Variants in UBE2L3 observed in about 807,000 individuals in gnomAD.
UBE2L3 encodes the protein ubiquitin conjugating enzyme E2 L3, also known as ubiquitin-conjugating enzyme E2 L3.
Under a neutral mutation model 17.8 loss-of-function variants are expected in UBE2L3, and 1 was observed. That is an observed-to-expected ratio of 0.06 (90% CI 0.02 to 0.27). The LOEUF (loss-of-function observed/expected upper bound fraction) is 0.27. UBE2L3 is among the 10% of genes least tolerant of loss of function. The pLI, the probability that UBE2L3 is intolerant of heterozygous loss-of-function variation, is 1.00. For missense variants in UBE2L3, 40 were observed against 192.6 expected (o/e 0.21, Z 4.69); for synonymous variants, 44 against 68.5 (o/e 0.64, Z 1.76).
chr22:21,613,654 A>T (rs937782025), intron 3 of UBE2L3, among the ~76,000 whole-genome samples: 1 of 152,206 alleles, frequency 6.6e-6, no homozygotes, highest in Non-Finnish European at 1.5e-5. Context: ...GGCTTAAAGT[A>T]ATACCAGTTT....
intron 2 of UBE2L3, among the ~76,000 whole-genome samples, chr22:21,599,895 C>T (rs944645824): frequency 6.6e-6 from 1 of 151,896 alleles, no homozygotes; most frequent in Non-Finnish European, 1.5e-5. Context: ...CTATTTGAGC[C>T]CAAAAGGAAG....
intron 3 of UBE2L3, among the ~76,000 whole-genome samples, chr22:21,620,765 A>G (rs547806380): frequency 9.2e-5 from 14 of 152,238 alleles, no homozygotes; most frequent in African/African-American, 3.4e-4. Context: ...AGAAACTCCT[A>G]AGGGTCTTCC....
intron 1 of UBE2L3, among the ~76,000 whole-genome samples, chr22:21,579,522 G>A (rs1210846587): frequency 6.6e-6 from 1 of 152,146 alleles, no homozygotes; most frequent in Non-Finnish European, 1.5e-5. Flanking sequence ...TATAATCCCA[G>A]CACTTAGGAA....
At chr22:21,581,912 G>C (rs1262650936) in intron 1 of UBE2L3, among the ~76,000 whole-genome samples, 1 of 150,766 alleles carries the variant, frequency 6.6e-6, no homozygotes, top group Non-Finnish European at 1.5e-5. Context: ...AGGAGTTCCA[G>C]ACCAGCCTGG....
At chr22:21,565,570 T>C (rs1013045493), upstream of UBE2L3, among the ~76,000 whole-genome samples, 1 of 150,276 alleles carries the variant, frequency 6.7e-6, no homozygotes. Flanking sequence ...TGGCCAAAAA[T>C]GCTAAAACCC....
chr22:21,566,932 G>T (rs1188213401), upstream of UBE2L3, among the ~76,000 whole-genome samples: 1 of 152,168 alleles, frequency 6.6e-6, no homozygotes, highest in Non-Finnish European at 1.5e-5. Context: ...CAAGTCACTG[G>T]CTTCTTCTGT....
chr22:21,575,509 A>C (rs1371263056), intron 1 of UBE2L3, among the ~76,000 whole-genome samples: 1 of 148,634 alleles, frequency 6.7e-6, no homozygotes, highest in Admixed American at 6.7e-5. Flanking sequence ...GAATCGCTTG[A>C]ATCCGGGAGG....
At chr22:21,580,185 G>A (rs1460633505) in intron 1 of UBE2L3, among the ~76,000 whole-genome samples, 1 of 152,202 alleles carries the variant, frequency 6.6e-6, no homozygotes. Flanking sequence ...TTGGGTGGCT[G>A]AGATAGTCAA....
rs1222137069 is a variant in UBE2L3, at chr22:21,598,445, T to A, written c.123+5489T>A. Among the ~76,000 whole-genome samples, 8 of 152,098 alleles carry A rather than the reference T, an allele frequency of 5.3e-5. No homozygotes were observed. The East Asian group carries it at 1.5e-3, about 29-fold the overall frequency. ...CCCTTGTGATTTCTTCTTTGACCCA[T>A]TGCTTGTTAGAGAGTACGTTTAATT... is the stretch of plus-strand genomic sequence containing the variant. On this transcript the variant is annotated intron_variant, in intron 2 of 3. Coordinates refer to ENST00000342192, the MANE Select transcript of UBE2L3 (RefSeq NM_003347.4).
intron 2 of UBE2L3, among the ~76,000 whole-genome samples, chr22:21,600,670 T>C (rs1255767707): frequency 6.6e-6 from 1 of 152,142 alleles, no homozygotes; most frequent in Non-Finnish European, 1.5e-5. Flanking sequence ...CACTCCAGCC[T>C]GGGCGACAGA....
At chr22:21,616,388 C>T (rs1222462437) in intron 3 of UBE2L3, among the ~76,000 whole-genome samples, 1 of 152,036 alleles carries the variant, frequency 6.6e-6, no homozygotes, top group Non-Finnish European at 1.5e-5. Flanking sequence ...TGGTGGGTCA[C>T]GCCTGTAATC....
At chr22:21,582,258 T>A (rs1221204668) in intron 1 of UBE2L3, among the ~76,000 whole-genome samples, 1 of 151,966 alleles carries the variant, frequency 6.6e-6, no homozygotes, top group Non-Finnish European at 1.5e-5. Context: ...TTTAGGAGCT[T>A]GTTTCTAGCT....
At chr22:21,561,477 G>A (rs1431709142) in intron 1 of UBE2L3, among the ~76,000 whole-genome samples, 1 of 152,292 alleles carries the variant, frequency 6.6e-6, no homozygotes, top group Admixed American at 6.5e-5. Flanking sequence ...AGCTGCTTGA[G>A]AGTCTGAAGT....
At chr22:21,576,685 C>T (rs942080682) in intron 1 of UBE2L3, among the ~76,000 whole-genome samples, 2 of 152,156 alleles carry the variant, frequency 1.3e-5, no homozygotes, top group African/African-American at 2.4e-5. Flanking sequence ...CCGCCCACCT[C>T]GGCCTCCCAA....
intron 2 of UBE2L3, among the ~76,000 whole-genome samples, chr22:21,610,506 T>C (rs1438862696): frequency 6.6e-6 from 1 of 152,192 alleles, no homozygotes; most frequent in South Asian, 2.1e-4. Context: ...TGAGGGATGC[T>C]GATAGTGGGA....
intron 1 of UBE2L3, among the ~76,000 whole-genome samples, chr22:21,569,847 G>A (rs1273460294): frequency 6.6e-6 from 1 of 152,214 alleles, no homozygotes; most frequent in Non-Finnish European, 1.5e-5. Context: ...CTTGCCCAGG[G>A]TTACCTAGCT....
rs528952638 is a variant in UBE2L3, at chr22:21,607,693, C to A, written c.124-3164C>A. 5.9e-5 allele frequency among the ~76,000 whole-genome samples: 9 copies of A among 151,986 alleles called. No individual in the cohort carries two copies. In the East Asian group the frequency reaches 1.6e-3, roughly 26 times the overall value. On this transcript the variant is annotated intron_variant, in intron 2 of 3. Coordinates refer to ENST00000342192, the MANE Select transcript of UBE2L3 (RefSeq NM_003347.4). ...AGGGTTGGGGAGAGGCCAAAAGACT[C>A]TTTGCTGAGTCATCTCTCAGGCTCC...
At position 21,622,561 on chromosome 22, in the gene UBE2L3, T is replaced by C. The variant is rs1930089814; in HGVS notation, c.*892T>C. On this transcript the variant is annotated 3_prime_UTR_variant, in exon 4 of 4. Transcript: ENST00000342192. ...CTTGCAGGCAAAGCTACAGCCAGAA[T>C]GTCCGTTTGAAACTCCTAGCTCATC... 6.5e-6 allele frequency: 1 copy of C among 152,902 alleles called. No homozygotes were observed. The allele number at this position is 152,902 out of a possible 1,614,324, so 9.5% of individuals were successfully genotyped here.
chr22:21,579,289 G>A lies in UBE2L3; in HGVS notation c.27+11518G>A, dbSNP rs568355970. 5.9e-5 allele frequency among the ~76,000 whole-genome samples: 9 copies of A among 152,158 alleles called. No homozygotes were observed. The East Asian group carries it at 1.7e-3, about 29-fold the overall frequency. On this transcript the variant is annotated intron_variant, in intron 1 of 3. Coordinates refer to ENST00000342192, the MANE Select transcript of UBE2L3 (RefSeq NM_003347.4). Reference sequence around the variant, plus strand: ...TTACAGGCGTGAGCCACCATGCCCAGCCCCAGGTGTAATTAGTTATGATGA... The same window carrying A: ...TTACAGGCGTGAGCCACCATGCCCAACCCCAGGTGTAATTAGTTATGATGA...
Sources: allele counts gnomAD v4.1 joint callset (sites outside exome capture counted in the v4.1 genomes callset), GRCh38; gene constraint gnomAD v4.1.1; transcripts MANE v1.5; gene names NCBI Gene and HGNC (gene_info 2026-07-23, HGNC 2026-07-21).